ANXA8: variants seen among roughly 807,000 people sequenced by gnomAD.
ANXA8 encodes VAC-beta.
In ANXA8, 9 loss-of-function variants were observed where a neutral mutation model predicts 26.8. That is an observed-to-expected ratio of 0.34 (90% confidence interval 0.20 to 0.59). The LOEUF (loss-of-function observed/expected upper bound fraction) is 0.59. Among genes scored for constraint, ANXA8 ranks in the 20% least tolerant of loss-of-function variants. The pLI is 0.84. For missense variants in ANXA8, 83 were observed against 238.5 expected (o/e 0.35, Z 4.29); for synonymous variants, 39 against 94.8 (o/e 0.41, Z 3.42).
chr10:47,735,451 C>T, the ANXA8 span, among the ~76,000 whole-genome samples: 1 of 148,144 alleles, frequency 6.8e-6, no homozygotes, highest in African/African-American at 2.5e-5. Context: ...AGAAAAGTAA[C>T]CCTTCTGTTA....
chr10:47,971,006 G>A, the ANXA8 span, among the ~76,000 whole-genome samples: 107 of 151,442 alleles, frequency 7.1e-4, 2 homozygotes, highest in East Asian at 0.018. Flanking sequence ...GCCAGCAGGT[G>A]GAATCCTGGC....
At chr10:47,733,283 CTTTCTTTCTTTCTTT>C in the ANXA8 span, among the ~76,000 whole-genome samples, 51 of 80,586 alleles carry the variant, frequency 6.3e-4, 3 homozygotes, top group Admixed American at 1.1e-3. Flanking sequence ...TTCTTTCTTT[CTTTCTTTCTTTCTTT>C]TTTTTCTTTC....
At chr10:47,543,802 C>T in the ANXA8 span, 6,490 of 202,272 alleles carry the variant, frequency 0.032, 228 homozygotes, top group Non-Finnish European at 0.04. Flanking sequence ...TAAGGAAGCA[C>T]CGTTCACCAT....
At chr10:47,628,314 C>T in the ANXA8 span, among the ~76,000 whole-genome samples, 1 of 152,086 alleles carries the variant, frequency 6.6e-6, no homozygotes, top group Non-Finnish European at 1.5e-5. Context: ...AAGGAAGAAA[C>T]ATACTAATAT....
At chr10:47,585,659 C>T in the ANXA8 span, among the ~76,000 whole-genome samples, 1 of 142,466 alleles carries the variant, frequency 7.0e-6, no homozygotes, top group Non-Finnish European at 1.5e-5. Context: ...CAGTGATCAA[C>T]AAAATTCCCA....
chr10:47,522,085 C>G, the ANXA8 span, among the ~76,000 whole-genome samples: 1 of 150,094 alleles, frequency 6.7e-6, no homozygotes, highest in Non-Finnish European at 1.5e-5. Context: ...CCAAGCCCAG[C>G]CAAAACTGTA....
At chr10:47,984,300 G>GTGCATTACT in the ANXA8 span, among the ~76,000 whole-genome samples, 1 of 149,298 alleles carries the variant, frequency 6.7e-6, no homozygotes, top group African/African-American at 2.5e-5. Context: ...TATCAAGTGC[G>GTGCATTACT]TGCATTACTT....
chr10:47,560,575 T>A, the ANXA8 span, among the ~76,000 whole-genome samples: 2 of 151,840 alleles, frequency 1.3e-5, no homozygotes, highest in Non-Finnish European at 2.9e-5. Flanking sequence ...CAGTTGAGAT[T>A]TGCCTGTTTG....
the ANXA8 span, chr10:47,696,528 T>G: frequency 3.9e-5 from 49 of 1,258,216 alleles, 3 homozygotes; most frequent in African/African-American, 4.9e-4. Flanking sequence ...ACATTTTAAA[T>G]GAAGTAATGT....
chr10:47,733,264 TTTC>T, the ANXA8 span, among the ~76,000 whole-genome samples: 1 of 111,366 alleles, frequency 9.0e-6, no homozygotes, highest in Admixed American at 9.9e-5. Flanking sequence ...TCTTTCTTTC[TTTC>T]TTTCTTTCTT....
chr10:47,686,922 G>A, the ANXA8 span, among the ~76,000 whole-genome samples: 1 of 151,386 alleles, frequency 6.6e-6, no homozygotes, highest in Non-Finnish European at 1.5e-5. Context: ...AAGTTTGTGG[G>A]GGCGGGGGGG....
the ANXA8 span, among the ~76,000 whole-genome samples, chr10:47,717,997 CAAAAAAAAAA>C: frequency 7.2e-5 from 4 of 55,488 alleles, no homozygotes; most frequent in Non-Finnish European, 8.9e-5. Flanking sequence ...TACTCTGTCT[CAAAAAAAAAA>C]AAAAAAAAAA....
the ANXA8 span, among the ~76,000 whole-genome samples, chr10:47,554,124 A>AATAAATAAATAAATAC: frequency 7.0e-6 from 1 of 143,736 alleles, no homozygotes; most frequent in Non-Finnish European, 1.5e-5. Context: ...TAAATAAATA[A>AATAAATAAATAAATAC]ATAAATAAAT....
chr10:47,982,623 C>T, the ANXA8 span, among the ~76,000 whole-genome samples: 4 of 141,552 alleles, frequency 2.8e-5, no homozygotes, highest in Non-Finnish European at 6.2e-5. Context: ...ACCATAGAGG[C>T]AAATGTTCAT....
At chr10:47,503,384 G>C in the ANXA8 span, 8 of 1,609,906 alleles carry the variant, frequency 5.0e-6, no homozygotes, top group South Asian at 4.4e-5. Flanking sequence ...TTGGACCAGC[G>C]CATGGACCGC....
the ANXA8 span, among the ~76,000 whole-genome samples, chr10:47,495,653 GGAGGAA>G: frequency 1.5e-5 from 2 of 134,988 alleles, no homozygotes; most frequent in Non-Finnish European, 3.2e-5. Context: ...ACAAGACTGA[GGAGGAA>G]GAGGAGGAGG....
chr10:47,659,448 G>C, the ANXA8 span, among the ~76,000 whole-genome samples: 1 of 151,616 alleles, frequency 6.6e-6, no homozygotes, highest in Admixed American at 6.6e-5. Flanking sequence ...GGGAGGCCGA[G>C]GTGGGCGGAT....
chr10:47,564,775 G>C, the ANXA8 span: 4,042 of 791,408 alleles, frequency 5.1e-3, 178 homozygotes, highest in African/African-American at 0.066. Context: ...ACCTGGGCTC[G>C]CAGGAAGACG....
At chr10:47,660,808 C>CA in the ANXA8 span, among the ~76,000 whole-genome samples, 8,756 of 59,992 alleles carry the variant, frequency 0.15, 409 homozygotes, top group African/African-American at 0.28. Flanking sequence ...CACTGACTGT[C>CA]AAAAAAAAAA....
Sources: gnomAD v4.1 joint callset for allele counts (sites outside exome capture counted in the v4.1 genomes callset) on GRCh38, gnomAD v4.1.1 for gene constraint, MANE v1.5 for transcripts, NCBI Gene and HGNC (gene_info 2026-07-23, HGNC 2026-07-21) for gene names.